The following LHFPL6 variants were observed in gnomAD, a reference collection of about 807,000 sequenced individuals.
LHFPL6 encodes LHFPL tetraspan subfamily member 6.
LHFPL6 carries 9 observed loss-of-function variants against 20.6 expected under a neutral mutation model. That is an observed-to-expected ratio of 0.44 (90% CI 0.26 to 0.76). The LOEUF (loss-of-function observed/expected upper bound fraction) is 0.76, where lower values mean the gene tolerates loss of function less well. Ranked by LOEUF, LHFPL6 falls within the 30% of genes least tolerant of loss-of-function variation. The pLI, the probability that LHFPL6 is intolerant of heterozygous loss-of-function variation, is 0.20. For missense variants in LHFPL6, 218 were observed against 253.5 expected (o/e 0.86, Z 0.95); for synonymous variants, 105 against 98.7 (o/e 1.06, Z -0.38).
intron 2 of LHFPL6, among the ~76,000 whole-genome samples, chr13:39,383,883 C>T (rs974865788): frequency 1.3e-5 from 2 of 152,198 alleles, no homozygotes; most frequent in Non-Finnish European, 2.9e-5. Context: ...TTCCAGGTGT[C>T]CCCCTCCTCA....
chr13:39,397,044 T>A (rs868711590), intron 2 of LHFPL6, among the ~76,000 whole-genome samples: 3 of 152,314 alleles, frequency 2.0e-5, no homozygotes, highest in South Asian at 4.1e-4. Flanking sequence ...TTAAGCCTCA[T>A]GATTGGTGGT....
intron 2 of LHFPL6, among the ~76,000 whole-genome samples, chr13:39,539,727 G>T (rs1181225857): frequency 6.6e-6 from 1 of 152,160 alleles, no homozygotes; most frequent in African/African-American, 2.4e-5. Context: ...TCATAAATGA[G>T]CAATCCTTTA....
chr13:39,527,843 C>A (rs9566451), intron 2 of LHFPL6, among the ~76,000 whole-genome samples: 6,074 of 152,242 alleles, frequency 0.04, 303 homozygotes, highest in East Asian at 0.21. Flanking sequence ...AGGGATTTAA[C>A]CAAGTTGTCA....
intron 3 of LHFPL6, among the ~76,000 whole-genome samples, chr13:39,376,463 C>T (rs1213250942): frequency 1.3e-5 from 2 of 152,070 alleles, no homozygotes; most frequent in African/African-American, 2.4e-5. Flanking sequence ...TTTGTTTTAT[C>T]CATGCAAATT....
chr13:39,558,035 G>T (rs532148636), intron 2 of LHFPL6, among the ~76,000 whole-genome samples: 1 of 152,128 alleles, frequency 6.6e-6, no homozygotes, highest in South Asian at 2.1e-4. Flanking sequence ...CATGCTTTCC[G>T]TACGGCCTGC....
At chr13:39,538,695 T>C (rs966241275) in intron 2 of LHFPL6, among the ~76,000 whole-genome samples, 1 of 151,992 alleles carries the variant, frequency 6.6e-6, no homozygotes, top group Non-Finnish European at 1.5e-5. Flanking sequence ...TGGAGGCAAT[T>C]GAAATTTTTA....
At chr13:39,358,521 A>G (rs1379413902) in intron 3 of LHFPL6, among the ~76,000 whole-genome samples, 1 of 152,184 alleles carries the variant, frequency 6.6e-6, no homozygotes, top group African/African-American at 2.4e-5. Flanking sequence ...AACAATTGTA[A>G]TTAAAAAAAA....
At chr13:39,404,773 A>G (rs1171770862) in intron 2 of LHFPL6, among the ~76,000 whole-genome samples, 2 of 152,052 alleles carry the variant, frequency 1.3e-5, no homozygotes, top group Non-Finnish European at 2.9e-5. Flanking sequence ...GATCCTCCCT[A>G]TGCCTCCTAG....
rs186372599 is a variant in LHFPL6, at chr13:39,370,617, C to T, written c.484+7811G>A. ...AGGAGTCTCTTCCTGAGCTGAGTGACAGACACTTTAACTGCCGCTCTCTGC... is the reference window on the plus strand; with the variant it reads ...AGGAGTCTCTTCCTGAGCTGAGTGATAGACACTTTAACTGCCGCTCTCTGC... On this transcript the variant is annotated intron_variant, in intron 3 of 3. Transcript: ENST00000379589. 6.6e-5 allele frequency among the ~76,000 whole-genome samples: 10 copies of T among 152,314 alleles called. No individual in the cohort carries two copies. The East Asian group carries it at 1.7e-3, about 27-fold the overall frequency.
chr13:39,377,954 A>G (rs1331586449), intron 3 of LHFPL6, among the ~76,000 whole-genome samples: 4 of 152,202 alleles, frequency 2.6e-5, no homozygotes, highest in African/African-American at 9.7e-5. Context: ...CTGATAATCC[A>G]TATGTAGCAC....
intron 2 of LHFPL6, among the ~76,000 whole-genome samples, chr13:39,450,846 A>T (rs1418042234): frequency 1.3e-5 from 2 of 152,194 alleles, no homozygotes; most frequent in Non-Finnish European, 2.9e-5. Flanking sequence ...TATAAAATTA[A>T]ATTAGACTAT....
At chr13:39,444,726 T>C (rs1049259948) in intron 2 of LHFPL6, among the ~76,000 whole-genome samples, 1 of 152,198 alleles carries the variant, frequency 6.6e-6, no homozygotes, top group East Asian at 1.9e-4. Flanking sequence ...TGTGGGGCCA[T>C]GGCAGCCTCC....
At chr13:39,575,137 T>C (rs1872074803) in intron 2 of LHFPL6, among the ~76,000 whole-genome samples, 1 of 152,170 alleles carries the variant, frequency 6.6e-6, no homozygotes, top group Non-Finnish European at 1.5e-5. Context: ...CTCTCTGTCT[T>C]TGTTACAGGA....
intron 2 of LHFPL6, among the ~76,000 whole-genome samples, chr13:39,390,420 C>A (rs1013998259): frequency 1.3e-4 from 20 of 151,906 alleles, no homozygotes; most frequent in Admixed American, 9.2e-4. Flanking sequence ...ATTGCTTAAG[C>A]ACAGGGGTTC....
At chr13:39,589,563 T>C (rs1872544934) in intron 2 of LHFPL6, among the ~76,000 whole-genome samples, 2 of 152,208 alleles carry the variant, frequency 1.3e-5, no homozygotes, top group Admixed American at 1.3e-4. Context: ...TTTATTATGA[T>C]ATAGCTAAAA....
intron 2 of LHFPL6, among the ~76,000 whole-genome samples, chr13:39,575,249 ATGACG>A (rs1303362411): frequency 1.3e-5 from 2 of 152,148 alleles, no homozygotes; most frequent in Non-Finnish European, 1.5e-5. Context: ...AGACTGAAAG[ATGACG>A]TGTTATATTT....
intron 3 of LHFPL6, among the ~76,000 whole-genome samples, chr13:39,352,765 C>T (rs982014667): frequency 6.8e-6 from 1 of 147,580 alleles, no homozygotes; most frequent in Non-Finnish European, 1.5e-5. Flanking sequence ...ATCCTTGTTG[C>T]TGTATTAATA....
At chr13:39,504,428 C>G (rs1169496867) in intron 2 of LHFPL6, among the ~76,000 whole-genome samples, 2 of 152,186 alleles carry the variant, frequency 1.3e-5, no homozygotes, top group Non-Finnish European at 2.9e-5. Flanking sequence ...TACTAGAGCT[C>G]ACATATGAAG....
chr13:39,409,484 AC>A (rs1018461206), intron 2 of LHFPL6, among the ~76,000 whole-genome samples: 5 of 152,032 alleles, frequency 3.3e-5, no homozygotes, highest in South Asian at 2.1e-4. Flanking sequence ...AACAAAAAAA[AC>A]ATTTGAAATG....
Sources: allele counts gnomAD v4.1 joint callset (sites outside exome capture counted in the v4.1 genomes callset), GRCh38; gene constraint gnomAD v4.1.1; transcripts MANE v1.5; gene names NCBI Gene and HGNC (gene_info 2026-07-23, HGNC 2026-07-21).